Variants in NLGN1 observed in about 807,000 individuals in gnomAD.
The protein encoded by NLGN1 is neuroligin-1.
NLGN1 carries 12 observed loss-of-function variants against 65.5 expected under a neutral mutation model. That is an observed-to-expected ratio of 0.18 (90% confidence interval 0.12 to 0.30). The LOEUF (loss-of-function observed/expected upper bound fraction) is 0.30, where lower values mean the gene tolerates loss of function less well. Among genes scored for constraint, NLGN1 ranks in the 10% least tolerant of loss-of-function variants. The pLI, the probability that NLGN1 is intolerant of heterozygous loss-of-function variation, is 1.00. For synonymous variants in NLGN1, 350 were observed against 359.5 expected (o/e 0.97, Z 0.30); for missense variants, 750 against 1,007.1 (o/e 0.74, Z 3.46).
At chr3:173,995,150 A>T (rs1009444190) in intron 4 of NLGN1, among the ~76,000 whole-genome samples, 1 of 152,180 alleles carries the variant, frequency 6.6e-6, no homozygotes, top group African/African-American at 2.4e-5. Flanking sequence ...AAAGCTGGTT[A>T]AGCCAAGAAA....
intron 3 of NLGN1, among the ~76,000 whole-genome samples, chr3:173,723,886 A>G (rs9877840): frequency 0.78 from 119,374 of 152,100 alleles, 48,060 homozygotes; most frequent in South Asian, 0.88. Flanking sequence ...GGCTCAGAAC[A>G]GTATCTTAAG....
intron 4 of NLGN1, among the ~76,000 whole-genome samples, chr3:174,171,818 T>A (rs1441876293): frequency 6.6e-6 from 1 of 152,164 alleles, no homozygotes; most frequent in Admixed American, 6.6e-5. Context: ...TCACCCCAAG[T>A]TTGGGACCTT....
At chr3:174,166,932 A>G (rs1334988296) in intron 4 of NLGN1, among the ~76,000 whole-genome samples, 1 of 152,024 alleles carries the variant, frequency 6.6e-6, no homozygotes, top group East Asian at 1.9e-4. Flanking sequence ...GTTAATATGT[A>G]ATGCCCTTCT....
chr3:173,824,980 T>C (rs1456111158), intron 4 of NLGN1, among the ~76,000 whole-genome samples: 2 of 152,064 alleles, frequency 1.3e-5, no homozygotes, highest in Non-Finnish European at 1.5e-5. Context: ...TTCAGTTTTG[T>C]GAGTATATAA....
chr3:173,998,791 A>T (rs1324807061), intron 4 of NLGN1, among the ~76,000 whole-genome samples: 4 of 152,186 alleles, frequency 2.6e-5, no homozygotes, highest in Non-Finnish European at 4.4e-5. Flanking sequence ...GATTCCAGTT[A>T]TCTCAAAGCT....
chr3:173,634,090 A>T (rs1756185048), intron 3 of NLGN1, among the ~76,000 whole-genome samples: 1 of 152,148 alleles, frequency 6.6e-6, no homozygotes, highest in Admixed American at 6.6e-5. Flanking sequence ...CCACATTTTT[A>T]ATTAAAAACA....
chr3:173,621,820 A>C, intron 3 of NLGN1, among the ~76,000 whole-genome samples: 1 of 152,176 alleles, frequency 6.6e-6, no homozygotes, highest in Non-Finnish European at 1.5e-5. Context: ...AATAAATCCT[A>C]TTTCCAAATC....
chr3:173,581,089 C>T (rs1338806362), intron 2 of NLGN1, among the ~76,000 whole-genome samples: 1 of 152,004 alleles, frequency 6.6e-6, no homozygotes, highest in Non-Finnish European at 1.5e-5. Context: ...ATTTCCTTAT[C>T]ACAAATCTGT....
At chr3:174,191,326 T>G (rs921992580) in intron 4 of NLGN1, among the ~76,000 whole-genome samples, 7 of 152,180 alleles carry the variant, frequency 4.6e-5, no homozygotes, top group Admixed American at 6.6e-5. Context: ...TGTTCTGTTA[T>G]GCATGCGAGG....
At chr3:173,603,402 A>T (rs1377823983) in intron 2 of NLGN1, among the ~76,000 whole-genome samples, 3 of 152,040 alleles carry the variant, frequency 2.0e-5, no homozygotes, top group African/African-American at 7.2e-5. Flanking sequence ...ATTAGGTATG[A>T]TTATTTTTTT....
chr3:174,273,995 G>A (rs1561449043), intron 4 of NLGN1, among the ~76,000 whole-genome samples: 1 of 151,576 alleles, frequency 6.6e-6, no homozygotes, highest in East Asian at 1.9e-4. Context: ...ATTTTATAAA[G>A]AGATATATTT....
chr3:173,480,582 T>C (rs1727110412), intron 2 of NLGN1, among the ~76,000 whole-genome samples: 1 of 152,162 alleles, frequency 6.6e-6, no homozygotes, highest in Admixed American at 6.6e-5. Context: ...TCTCATTACA[T>C]AATTACCCAA....
chr3:173,695,404 C>A (rs534555414), intron 3 of NLGN1, among the ~76,000 whole-genome samples: 12 of 151,856 alleles, frequency 7.9e-5, no homozygotes, highest in South Asian at 4.2e-4. Flanking sequence ...GACTGATCCA[C>A]AAAATTCTCC....
chr3:173,777,327 T>TG (rs1780445629), intron 3 of NLGN1, among the ~76,000 whole-genome samples: 1 of 151,940 alleles, frequency 6.6e-6, no homozygotes, highest in African/African-American at 2.4e-5. Context: ...TGTGAATAAG[T>TG]AGTAGGTTCT....
chr3:174,106,440 AT>A (rs1022432071), intron 4 of NLGN1, among the ~76,000 whole-genome samples: 20 of 152,254 alleles, frequency 1.3e-4, no homozygotes, highest in African/African-American at 4.3e-4. Context: ...CCTCAAAAAA[AT>A]ATTCTCTTCT....
chr3:173,414,073 A>G (rs191613388), intron 1 of NLGN1, among the ~76,000 whole-genome samples: 2 of 152,126 alleles, frequency 1.3e-5, no homozygotes, highest in African/African-American at 4.8e-5. Flanking sequence ...CTTCATACTT[A>G]CATTGTATTA....
At chr3:173,766,329 T>G (rs975789535) in intron 3 of NLGN1, among the ~76,000 whole-genome samples, 4 of 152,140 alleles carry the variant, frequency 2.6e-5, no homozygotes, top group African/African-American at 9.7e-5. Context: ...CCTCAAGTGA[T>G]CTGCCCACCT....
At chr3:174,265,100 A>C (rs9858190) in intron 4 of NLGN1, among the ~76,000 whole-genome samples, 23,075 of 150,084 alleles carry the variant, frequency 0.15, 2,048 homozygotes, top group East Asian at 0.47. Context: ...AGACAGGGAC[A>C]TTTAAGTCTG....
chr3:173,412,705 GTTC>G, intron 1 of NLGN1, among the ~76,000 whole-genome samples: 1 of 152,020 alleles, frequency 6.6e-6, no homozygotes, highest in East Asian at 1.9e-4. Flanking sequence ...AATTGCTATA[GTTC>G]TTCTTTGAAC....
Sources: gnomAD v4.1 joint callset for allele counts (sites outside exome capture counted in the v4.1 genomes callset) on GRCh38, gnomAD v4.1.1 for gene constraint, MANE v1.5 for transcripts, NCBI Gene and HGNC (gene_info 2026-07-23, HGNC 2026-07-21) for gene names.